Variants in PTPRC observed in about 807,000 individuals in gnomAD.
The protein encoded by PTPRC is protein tyrosine phosphatase receptor type C.
PTPRC carries 44 observed loss-of-function variants against 155.9 expected under a neutral mutation model. The observed-to-expected ratio is 0.28, with a 90% CI of 0.22 to 0.36. The LOEUF (loss-of-function observed/expected upper bound fraction) is 0.36, where lower values mean the gene tolerates loss of function less well. PTPRC is among the 10% of genes least tolerant of loss of function. PTPRC has a pLI of 1.00. For missense variants in PTPRC, 1,401 were observed against 1,564.6 expected (o/e 0.90, Z 1.76); for synonymous variants, 525 against 533.1 (o/e 0.98, Z 0.21).
chr1:198,724,560 G>C (rs1654040750), intron 15 of PTPRC, among the ~76,000 whole-genome samples: 1 of 151,770 alleles, frequency 6.6e-6, no homozygotes, highest in Non-Finnish European at 1.5e-5. Context: ...ATTCTGCTCT[G>C]GCACTTGTTC....
intron 16 of PTPRC, 44 bp from the exon 17 acceptor site, chr1:198,729,093 G>A (rs372231378): frequency 1.9e-6 from 3 of 1,594,468 alleles, no homozygotes; most frequent in African/African-American, 1.3e-5. Context: ...ATTGAATTTT[G>A]TGCTTCTTGA....
intron 2 of PTPRC, among the ~76,000 whole-genome samples, chr1:198,649,582 C>T (rs753743051): frequency 4.0e-5 from 6 of 151,882 alleles, no homozygotes; most frequent in Non-Finnish European, 7.4e-5. Context: ...TGCCCGGATT[C>T]CATTCCAGTT....
At chr1:198,755,505 G>C (rs1221719327) in intron 32 of PTPRC, among the ~76,000 whole-genome samples, 1 of 151,962 alleles carries the variant, frequency 6.6e-6, no homozygotes, top group African/African-American at 2.4e-5. Context: ...ATTATAAGAA[G>C]AACATGAATG....
chr1:198,724,993 G>A (rs1654065690), intron 15 of PTPRC, among the ~76,000 whole-genome samples: 2 of 152,018 alleles, frequency 1.3e-5, no homozygotes, highest in South Asian at 4.1e-4. Context: ...GTAGAGAAGG[G>A]ATTTCACCAT....
Position 198,702,499 on chromosome 1 carries a change from C to T in PTPRC, c.552C>T (p.Thr184=). The change falls in exon 6 of 33, where the codon ACC becomes ACT. Residue 184 remains threonine (T), a synonymous_variant. Coordinates refer to ENST00000442510, the MANE Select transcript of PTPRC (RefSeq NM_002838.5). ...GCTCTGCTGCCTTACCTGCACGCAC[C>T]TCCAACACCACCATCACAGCGAACA... ...HHSSAALPAR[T]SNTTITANTS... is the part of the protein sequence containing the mutation. The T allele has an allele frequency of 6.2e-7, 1 of 1,614,212 alleles. No homozygotes were observed. The highest frequency in any genetic ancestry group is 1.1e-5 in the South Asian group (1 of 91,084).
Position 198,748,180 on chromosome 1 carries a change from G to A in PTPRC, c.2919G>A (p.Arg973=), listed in dbSNP as rs1160839072. 1.2e-6 allele frequency: 2 copies of A among 1,605,852 alleles called. No homozygotes were observed. The highest frequency in any genetic ancestry group is 1.1e-5 in the South Asian group (1 of 90,332). The change falls in exon 27 of 33, where the codon AGG becomes AGA. Residue 973 remains arginine, a synonymous_variant. Coordinates refer to ENST00000442510, the MANE Select transcript of PTPRC (RefSeq NM_002838.5). ...GNQEENKSKN[R]NSNVIPYDYN... ...AAGAAGAAAATAAAAGTAAAAACAG[G>A]AATTCTAATGTCATCCCATGTATGT...
At chr1:198,680,754 A>T (rs1214461030) in intron 2 of PTPRC, among the ~76,000 whole-genome samples, 1 of 152,150 alleles carries the variant, frequency 6.6e-6, no homozygotes, top group Non-Finnish European at 1.5e-5. Flanking sequence ...AAGGAAAAGG[A>T]AGCCACAGAC....
chr1:198,691,816 T>A (rs1665942219), intron 2 of PTPRC, among the ~76,000 whole-genome samples: 1 of 152,088 alleles, frequency 6.6e-6, no homozygotes, highest in South Asian at 2.1e-4. Context: ...AATAAGATGA[T>A]CCTGTTATGT....
chr1:198,718,555 G>C lies in PTPRC; in HGVS notation c.1659+253G>C, dbSNP rs552142559. On this transcript the variant is annotated intron_variant, in intron 14 of 32. Transcript: ENST00000442510. Reference sequence around the variant, plus strand: ...ATGACTTAATTATAGCTAAATTATTGCTTCTGTGTTAAGAAGCACAACACT... The same window carrying C: ...ATGACTTAATTATAGCTAAATTATTCCTTCTGTGTTAAGAAGCACAACACT... Among the ~76,000 whole-genome samples, 9 of 152,186 alleles carry C rather than the reference G, an allele frequency of 5.9e-5. No individual in the cohort carries two copies. The East Asian group carries it at 7.7e-4, about 13-fold the overall frequency.
chr1:198,656,639 G>GTTTTTTTTT (rs201088832), intron 2 of PTPRC, among the ~76,000 whole-genome samples: 2 of 85,144 alleles, frequency 2.3e-5, no homozygotes, highest in African/African-American at 5.2e-5. Flanking sequence ...AGGGCTACTA[G>GTTTTTTTTT]TTTTTTGTTT....
Position 198,718,075 on chromosome 1 carries a change from T to C in PTPRC, c.1451-19T>C, listed in dbSNP as rs760536396. The C allele has an allele frequency of 6.4e-7, 1 of 1,568,782 alleles. No homozygotes were observed. The highest frequency in any genetic ancestry group is 1.7e-5 in the Admixed American group (1 of 59,914). On this transcript the variant is annotated intron_variant, in intron 13 of 32. Transcript: ENST00000442510. Reference sequence around the variant, plus strand: ...CATCTATTAAATTATTAATAACAAATCTTTCTTCATTTTGATAGCTCCAAG... The same window carrying C: ...CATCTATTAAATTATTAATAACAAACCTTTCTTCATTTTGATAGCTCCAAG...
At chr1:198,699,843 T>C (rs1385251255) in intron 5 of PTPRC, 139 bp downstream of exon 5, 1 of 1,120,568 alleles carries the variant, frequency 8.9e-7, no homozygotes, top group East Asian at 2.4e-5. Context: ...TCAGTCACTC[T>C]TAGGAATATG....
chr1:198,697,266 C>T (rs1204174683), intron 4 of PTPRC, among the ~76,000 whole-genome samples: 1 of 152,166 alleles, frequency 6.6e-6, no homozygotes, highest in East Asian at 1.9e-4. Context: ...ATCAGTTCTA[C>T]TCTCCTTGGA....
intron 2 of PTPRC, among the ~76,000 whole-genome samples, chr1:198,674,082 C>A (rs550039455): frequency 7.6e-4 from 116 of 152,238 alleles, no homozygotes; most frequent in Non-Finnish European, 1.4e-3. Flanking sequence ...TTTGACTAAA[C>A]CCAGATTTAT....
Position 198,735,379 on chromosome 1 carries a change from C to G in PTPRC, c.2403+127C>G, listed in dbSNP as rs1335030197. ...TTTTTGATAACCTTTAGGATGAAAGCTGTGGTTAGAACAATGACAAAAATC... is the reference window on the plus strand; with the variant it reads ...TTTTTGATAACCTTTAGGATGAAAGGTGTGGTTAGAACAATGACAAAAATC... On this transcript the variant is annotated intron_variant, in intron 23 of 32. Transcript: ENST00000442510. The G allele has an allele frequency of 7.6e-6, 7 of 919,034 alleles. No individual in the cohort carries two copies. In the African/African-American group the frequency reaches 1.2e-4, roughly 16 times the overall value. 56.9% of individuals were successfully genotyped at this position (919,034 alleles called of 1,614,324 possible).
At chr1:198,727,311 A>G (rs144617761) in intron 15 of PTPRC, among the ~76,000 whole-genome samples, 2 of 152,042 alleles carry the variant, frequency 1.3e-5, no homozygotes, top group African/African-American at 4.8e-5. Context: ...CTACATGACC[A>G]TTTACTTATT....
intron 9 of PTPRC, among the ~76,000 whole-genome samples, chr1:198,707,876 C>A (rs1404925897): frequency 2.0e-5 from 3 of 152,178 alleles, no homozygotes; most frequent in Non-Finnish European, 1.5e-5. Context: ...TGTTTGCTTG[C>A]ATTTCATTTT....
At chr1:198,702,591 C>G (rs79485670) in intron 6 of PTPRC, 61 bp downstream of exon 6, 2 of 1,587,346 alleles carry the variant, frequency 1.3e-6, no homozygotes, top group African/African-American at 2.7e-5. Flanking sequence ...AAACTCAAAA[C>G]TTTAATGTAG....
intron 23 of PTPRC, among the ~76,000 whole-genome samples, chr1:198,740,411 C>G (rs575717993): frequency 6.6e-6 from 1 of 151,770 alleles, no homozygotes; most frequent in East Asian, 2.0e-4. Context: ...AACCCCGTCT[C>G]TACTAAAAAT....
Sources: gnomAD v4.1 joint callset for allele counts (sites outside exome capture counted in the v4.1 genomes callset) on GRCh38, gnomAD v4.1.1 for gene constraint, MANE v1.5 for transcripts, NCBI Gene and HGNC (gene_info 2026-07-23, HGNC 2026-07-21) for gene names.